Variants in EEF1AKMT1 observed in about 807,000 individuals in gnomAD.
The protein encoded by EEF1AKMT1 is EEF1A lysine methyltransferase 1.
In EEF1AKMT1, 18 loss-of-function variants were observed where a neutral mutation model predicts 21.0. That is an observed-to-expected ratio of 0.86 (90% CI 0.59 to 1.27). The LOEUF (loss-of-function observed/expected upper bound fraction) is 1.27. Ranked by LOEUF, EEF1AKMT1 falls within the 50% of genes most tolerant of loss-of-function variation. The pLI is 0.00. For missense variants in EEF1AKMT1, 246 were observed against 258.6 expected (o/e 0.95, Z 0.33); for synonymous variants, 109 against 94.8 (o/e 1.15, Z -0.87).
At chr13:20,734,547 A>G (rs2058815434) in intron 3 of EEF1AKMT1, among the ~76,000 whole-genome samples, 1 of 152,120 alleles carries the variant, frequency 6.6e-6, no homozygotes, top group Non-Finnish European at 1.5e-5. Context: ...TAAGCACTCA[A>G]TAAATGCGGT....
intron 2 of EEF1AKMT1, among the ~76,000 whole-genome samples, chr13:20,742,556 A>G (rs1273695227): frequency 1.3e-5 from 2 of 152,192 alleles, no homozygotes. Context: ...AAATCACAAA[A>G]ATGACCATGA....
Position 20,758,906 on chromosome 13 carries a change from A to C in EEF1AKMT1, c.-19-1289T>G, listed in dbSNP as rs189365126. On this transcript the variant is annotated intron_variant, in intron 1 of 4. Coordinates refer to ENST00000382758, the MANE Select transcript of EEF1AKMT1 (RefSeq NM_001318939.2). ...ACTGGTCTTCGATCAAGTCAACAAAAATAAACAATGGGGAAAGGATATTCT... is the reference window on the plus strand; with the variant it reads ...ACTGGTCTTCGATCAAGTCAACAAACATAAACAATGGGGAAAGGATATTCT... Among the ~76,000 whole-genome samples the C allele has an allele frequency of 7.7e-4, 118 of 152,336 alleles. 1 individual carries two copies. Among genetic ancestry groups the C allele is most frequent in the African/African-American group, 2.8e-3 (117 of 41,574 alleles).
At chr13:20,765,876 GTATTCAA>G (rs1388641127) in intron 1 of EEF1AKMT1, among the ~76,000 whole-genome samples, 1 of 151,734 alleles carries the variant, frequency 6.6e-6, no homozygotes, top group African/African-American at 2.4e-5. Context: ...ATATGACAAG[GTATTCAA>G]CCTTGTCATG....
At chr13:20,737,917 A>G in intron 2 of EEF1AKMT1, 112 bp from the exon 3 acceptor site, 1 of 681,240 alleles carries the variant, frequency 1.5e-6, no homozygotes, top group Non-Finnish European at 2.4e-6. Flanking sequence ...TAATTTATAT[A>G]TAATCTATAC....
intron 2 of EEF1AKMT1, among the ~76,000 whole-genome samples, chr13:20,748,654 G>A (rs2058921670): frequency 6.6e-6 from 1 of 150,420 alleles, no homozygotes; most frequent in South Asian, 2.1e-4. Context: ...TATGATAGAT[G>A]AGGATTTTTG....
chr13:20,762,380 G>A (rs2059005794), intron 1 of EEF1AKMT1, among the ~76,000 whole-genome samples: 1 of 151,542 alleles, frequency 6.6e-6, no homozygotes, highest in Non-Finnish European at 1.5e-5. Context: ...AGTAGAGATG[G>A]GGTTTCACAT....
chr13:20,766,298 C>CAAAAAAA (rs35866979), intron 1 of EEF1AKMT1, among the ~76,000 whole-genome samples: 20 of 76,710 alleles, frequency 2.6e-4, no homozygotes, highest in East Asian at 1.2e-3. Context: ...GACTCCATCT[C>CAAAAAAA]AAAAAAAAAA....
At chr13:20,767,133 C>T (rs1203902210) in intron 1 of EEF1AKMT1, among the ~76,000 whole-genome samples, 3 of 151,476 alleles carry the variant, frequency 2.0e-5, no homozygotes, top group East Asian at 2.0e-4. Context: ...GGTGAAACCC[C>T]GTCTCCACTA....
chr13:20,739,588 G>A (rs1261104166), intron 2 of EEF1AKMT1, among the ~76,000 whole-genome samples: 1 of 151,982 alleles, frequency 6.6e-6, no homozygotes, highest in African/African-American at 2.4e-5. Flanking sequence ...AGACGTAAAA[G>A]TTCTCCAAGT....
At chr13:20,738,800 T>C (rs2058844760) in intron 2 of EEF1AKMT1, among the ~76,000 whole-genome samples, 1 of 152,182 alleles carries the variant, frequency 6.6e-6, no homozygotes, top group African/African-American at 2.4e-5. Context: ...GACAGTAGAT[T>C]AGTGGTTGCC....
intron 2 of EEF1AKMT1, among the ~76,000 whole-genome samples, chr13:20,738,927 G>C (rs974378295): frequency 6.6e-6 from 1 of 152,212 alleles, no homozygotes; most frequent in Non-Finnish European, 1.5e-5. Context: ...TCCGGAATTG[G>C]TGGGTTCTTG....
chr13:20,746,066 A>G (rs566344057), intron 2 of EEF1AKMT1, among the ~76,000 whole-genome samples: 2 of 152,248 alleles, frequency 1.3e-5, no homozygotes, highest in South Asian at 4.1e-4. Context: ...ATATTCACTC[A>G]TAAGTCCACG....
chr13:20,728,985 G>A lies in EEF1AKMT1; in HGVS notation c.*95C>T, dbSNP rs754710203. On this transcript the variant is annotated 3_prime_UTR_variant, in exon 5 of 5. Transcript: ENST00000382758. ...AGGCCAGGGACAGCTCCAGTTTGGG[G>A]GGAGGGGAAGAGATTATAACTTTTA... 1.6e-5 allele frequency: 24 copies of A among 1,492,180 alleles called. No individual in the cohort carries two copies. The highest frequency in any genetic ancestry group is 9.1e-5 in the East Asian group (4 of 44,082). 92.4% of individuals were successfully genotyped at this position (1,492,180 alleles called of 1,614,324 possible).
At chr13:20,764,854 T>C (rs992679607) in intron 1 of EEF1AKMT1, among the ~76,000 whole-genome samples, 2 of 149,022 alleles carry the variant, frequency 1.3e-5, no homozygotes, top group African/African-American at 5.0e-5. Context: ...TTCTATGGCA[T>C]ATATTTTCCC....
intron 2 of EEF1AKMT1, chr13:20,748,169 G>T (rs1326342591): frequency 6.5e-6 from 1 of 152,912 alleles, no homozygotes; most frequent in Non-Finnish European, 1.5e-5. Flanking sequence ...GGGCGCAGTG[G>T]CTCACGCCTG....
chr13:20,740,651 A>G (rs556904275), intron 2 of EEF1AKMT1, among the ~76,000 whole-genome samples: 13 of 152,220 alleles, frequency 8.5e-5, no homozygotes, highest in African/African-American at 3.1e-4. Context: ...AAAATACAAA[A>G]TATTAGCCAG....
chr13:20,769,840 G>A (rs758593530), intron 1 of EEF1AKMT1, among the ~76,000 whole-genome samples: 3 of 152,004 alleles, frequency 2.0e-5, no homozygotes, highest in Non-Finnish European at 4.4e-5. Context: ...ACTAGATGGT[G>A]GGCCTCATAG....
At chr13:20,729,411 C>G (rs1207598070) in intron 4 of EEF1AKMT1, among the ~76,000 whole-genome samples, 195 bp from the exon 5 acceptor site, 1 of 151,924 alleles carries the variant, frequency 6.6e-6, no homozygotes, top group African/African-American at 2.4e-5. Context: ...CAACTTTTTT[C>G]CATGTCTTTT....
intron 1 of EEF1AKMT1, among the ~76,000 whole-genome samples, chr13:20,760,944 A>G (rs2058998529): frequency 6.6e-6 from 1 of 152,230 alleles, no homozygotes; most frequent in Non-Finnish European, 1.5e-5. Flanking sequence ...ACAGATTCAC[A>G]GGAATGTGCA....
Sources: allele counts gnomAD v4.1 joint callset (sites outside exome capture counted in the v4.1 genomes callset), GRCh38; gene constraint gnomAD v4.1.1; transcripts MANE v1.5; gene names NCBI Gene and HGNC (gene_info 2026-07-23, HGNC 2026-07-21).